Variants in SYN3 observed in about 807,000 individuals in gnomAD.
The protein encoded by SYN3 is synapsin-3.
Under a neutral mutation model 65.8 loss-of-function variants are expected in SYN3, and 35 were observed. The ratio of observed to expected loss-of-function variants is 0.53; its 90% confidence interval spans 0.41 to 0.70. The LOEUF (loss-of-function observed/expected upper bound fraction) is 0.70, where lower values mean the gene tolerates loss of function less well. Ranked by LOEUF, SYN3 falls within the 30% of genes least tolerant of loss-of-function variation. The pLI, the probability that SYN3 is intolerant of heterozygous loss-of-function variation, is 0.00. For missense variants in SYN3, 680 were observed against 749.0 expected (o/e 0.91, Z 1.08); for synonymous variants, 270 against 292.9 (o/e 0.92, Z 0.80).
At chr22:32,652,275 G>T (rs567329404) in intron 6 of SYN3, among the ~76,000 whole-genome samples, 4 of 151,960 alleles carry the variant, frequency 2.6e-5, no homozygotes, top group South Asian at 4.2e-4. Context: ...AACAGAACTC[G>T]TATGGGTTCT....
intron 7 of SYN3, among the ~76,000 whole-genome samples, chr22:32,589,517 A>G (rs1427061058): frequency 1.3e-5 from 2 of 152,204 alleles, no homozygotes; most frequent in African/African-American, 4.8e-5. Context: ...AGAACCTCAC[A>G]TAATACTTAA....
chr22:32,931,585 C>T (rs2050636200), intron 3 of SYN3, 104 bp from the exon 4 acceptor site: 9 of 749,760 alleles, frequency 1.2e-5, no homozygotes, highest in Admixed American at 6.5e-5. Flanking sequence ...ACCTTTAAAG[C>T]TCCCCTCAAA....
chr22:32,731,648 C>T (rs1273114023), intron 6 of SYN3, among the ~76,000 whole-genome samples: 1 of 152,160 alleles, frequency 6.6e-6, no homozygotes, highest in Non-Finnish European at 1.5e-5. Context: ...CAGCCTGTAG[C>T]CCAAAGTCTG....
intron 6 of SYN3, among the ~76,000 whole-genome samples, chr22:32,775,162 T>A (rs912160381): frequency 8.5e-5 from 13 of 152,192 alleles, no homozygotes; most frequent in Non-Finnish European, 1.0e-4. Flanking sequence ...TGTGTCCTCA[T>A]GTAGCCTTTC....
At chr22:32,779,834 G>A (rs1392562653) in intron 6 of SYN3, among the ~76,000 whole-genome samples, 1 of 152,120 alleles carries the variant, frequency 6.6e-6, no homozygotes, top group East Asian at 1.9e-4. Flanking sequence ...CAAGGGTCCA[G>A]GTTGGGCAAG....
At chr22:32,677,644 A>G (rs1329901394) in intron 6 of SYN3, among the ~76,000 whole-genome samples, 1 of 151,706 alleles carries the variant, frequency 6.6e-6, no homozygotes, top group Non-Finnish European at 1.5e-5. Context: ...TAAAAATACA[A>G]AAAAAAATTA....
intron 6 of SYN3, among the ~76,000 whole-genome samples, chr22:32,750,097 G>A (rs775807970): frequency 2.6e-5 from 4 of 152,326 alleles, no homozygotes; most frequent in South Asian, 2.1e-4. Flanking sequence ...TAGAGACACG[G>A]TGGTGAATAA....
At chr22:32,592,338 T>C (rs2059139450) in intron 7 of SYN3, among the ~76,000 whole-genome samples, 1 of 152,182 alleles carries the variant, frequency 6.6e-6, no homozygotes, top group African/African-American at 2.4e-5. Flanking sequence ...GGGCAGATCA[T>C]TTTCCTCCCA....
At chr22:32,560,144 G>A (rs1217991337) in intron 7 of SYN3, among the ~76,000 whole-genome samples, 4 of 152,212 alleles carry the variant, frequency 2.6e-5, no homozygotes, top group South Asian at 2.1e-4. Flanking sequence ...GCAAGACCCC[G>A]GAAGCAACCC....
chr22:32,614,407 C>A (rs2059486909), intron 6 of SYN3, among the ~76,000 whole-genome samples: 1 of 152,232 alleles, frequency 6.6e-6, no homozygotes, highest in African/African-American at 2.4e-5. Context: ...GGCCTGGGGT[C>A]AGGCAGCTCT....
At chr22:32,795,419 C>T (rs1194474657) in intron 6 of SYN3, among the ~76,000 whole-genome samples, 1 of 152,162 alleles carries the variant, frequency 6.6e-6, no homozygotes, top group Non-Finnish European at 1.5e-5. Flanking sequence ...TGATGTCATC[C>T]TTCGGAATGG....
chr22:32,519,208 C>T (rs996495331), intron 12 of SYN3, among the ~76,000 whole-genome samples: 4 of 152,052 alleles, frequency 2.6e-5, no homozygotes, highest in African/African-American at 7.2e-5. Context: ...GCAGGATCTG[C>T]GATTCTGCAT....
At chr22:32,692,591 C>T (rs1348571919) in intron 6 of SYN3, among the ~76,000 whole-genome samples, 1 of 152,226 alleles carries the variant, frequency 6.6e-6, no homozygotes, top group Non-Finnish European at 1.5e-5. Context: ...ATGTGCTTTT[C>T]TGTCTCCGCT....
chr22:32,738,925 C>T (rs1488468380), intron 6 of SYN3, among the ~76,000 whole-genome samples: 1 of 152,172 alleles, frequency 6.6e-6, no homozygotes, highest in Admixed American at 6.5e-5. Flanking sequence ...AGCCCACTCA[C>T]CTGCAGATAT....
intron 1 of SYN3, among the ~76,000 whole-genome samples, chr22:33,046,146 C>T (rs1366769265): frequency 6.6e-6 from 1 of 152,074 alleles, no homozygotes; most frequent in African/African-American, 2.4e-5. Flanking sequence ...TGAGATAGCA[C>T]TAAACTATAA....
At chr22:32,882,073 C>T (rs983480046) in intron 4 of SYN3, among the ~76,000 whole-genome samples, 1 of 151,342 alleles carries the variant, frequency 6.6e-6, no homozygotes, top group South Asian at 2.1e-4. Flanking sequence ...AAAAAAGGAA[C>T]CTCGAGGGTT....
At chr22:32,649,984 C>T (rs1404128024) in intron 6 of SYN3, among the ~76,000 whole-genome samples, 1 of 152,114 alleles carries the variant, frequency 6.6e-6, no homozygotes, top group African/African-American at 2.4e-5. Context: ...GGGCTCATGA[C>T]TAGTAGGCTT....
At chr22:32,690,618 C>T (rs1488610242) in intron 6 of SYN3, among the ~76,000 whole-genome samples, 10 of 152,142 alleles carry the variant, frequency 6.6e-5, no homozygotes, top group Non-Finnish European at 1.2e-4. Context: ...ACTGCACTGT[C>T]CCCAGCATGT....
At chr22:32,958,131 A>G (rs889372126) in intron 3 of SYN3, among the ~76,000 whole-genome samples, 2 of 152,324 alleles carry the variant, frequency 1.3e-5, no homozygotes, top group Admixed American at 6.5e-5. Flanking sequence ...AGTGTCCACA[A>G]ATAGCTGTAA....
Sources: gnomAD v4.1 joint callset for allele counts (sites outside exome capture counted in the v4.1 genomes callset) on GRCh38, gnomAD v4.1.1 for gene constraint, MANE v1.5 for transcripts, NCBI Gene and HGNC (gene_info 2026-07-23, HGNC 2026-07-21) for gene names.